Variants in CACNA1B observed in about 807,000 individuals in gnomAD.
CACNA1B encodes the protein voltage-dependent N-type calcium channel subunit alpha-1B.
Under a neutral mutation model 247.2 loss-of-function variants are expected in CACNA1B, and 70 were observed. The ratio of observed to expected loss-of-function variants is 0.28; its 90% CI spans 0.23 to 0.35. CACNA1B has a LOEUF of 0.35. Ranked by LOEUF, CACNA1B falls within the 10% of genes least tolerant of loss-of-function variation. The pLI is 1.00. For missense variants in CACNA1B, 2,367 were observed against 3,197.4 expected (o/e 0.74, Z 6.26); for synonymous variants, 1,231 against 1,294.4 (o/e 0.95, Z 1.05).
At position 137,937,015 on chromosome 9, in the gene CACNA1B, G is replaced by A. The variant is rs545707861; in HGVS notation, c.967-15259G>A. 4.5e-3 allele frequency among the ~76,000 whole-genome samples: 680 copies of A among 152,166 alleles called. 5 individuals are homozygous for A. Among genetic ancestry groups the A allele is most frequent in the African/African-American group, 0.015 (637 of 41,508 alleles). On this transcript the variant is annotated intron_variant, in intron 6 of 46. Coordinates refer to ENST00000371372, the MANE Select transcript of CACNA1B (RefSeq NM_000718.4). ...TAAAGTAGTTTTTTCCAATTCTGTG[G>A]AGAAAGTCATTGGTAGCTTGATGGG...
Position 138,051,268 on chromosome 9 carries a change from C to G in CACNA1B, c.3711-824C>G, listed in dbSNP as rs1336764098. ...CTGCGTCCCTGACAGGTAGAGGCAG[C>G]TGCCTGGGTCTGTCCTGGCTTTTTC... On this transcript the variant is annotated intron_variant, in intron 24 of 46. Transcript: ENST00000371372. This position sits in a 1 kb window ranked among gnomAD's most constrained non-coding sequence, Gnocchi z 4.3. 6.6e-6 allele frequency among the ~76,000 whole-genome samples: 1 copy of G among 152,070 alleles called. No homozygotes were observed. The highest frequency in any genetic ancestry group is 1.5e-5 in the Non-Finnish European group (1 of 68,012).
intron 31 of CACNA1B, among the ~76,000 whole-genome samples, chr9:138,067,138 A>G (rs1959949197): frequency 2.6e-5 from 4 of 152,228 alleles, no homozygotes; most frequent in Admixed American, 2.6e-4. Context: ...AAGTGAACAC[A>G]TTACTAGAAA....
intron 20 of CACNA1B, among the ~76,000 whole-genome samples, chr9:138,026,901 GT>G (rs1958928289): frequency 6.6e-6 from 1 of 152,234 alleles, no homozygotes; most frequent in Non-Finnish European, 1.5e-5. Context: ...ATGAATGAGA[GT>G]TCCTGTTGCT....
chr9:138,099,556 TGC>T (rs1460364352), intron 37 of CACNA1B, among the ~76,000 whole-genome samples: 3 of 148,676 alleles, frequency 2.0e-5, no homozygotes, highest in African/African-American at 7.5e-5. Flanking sequence ...TTTGTGTGTG[TGC>T]CACCGTGGTG....
At chr9:138,024,736 C>T (rs1958899453) in intron 19 of CACNA1B, among the ~76,000 whole-genome samples, 1 of 152,168 alleles carries the variant, frequency 6.6e-6, no homozygotes, top group South Asian at 2.1e-4. Flanking sequence ...TGAAGCGATC[C>T]TCCCACCTCA....
At chr9:138,024,325 C>T (rs1369784650) in intron 19 of CACNA1B, among the ~76,000 whole-genome samples, 4 of 152,150 alleles carry the variant, frequency 2.6e-5, no homozygotes, top group African/African-American at 9.7e-5. Context: ...CTCACCAACC[C>T]CGTGAGGGCC....
chr9:137,924,313 CTTCT>C (rs980743134), intron 6 of CACNA1B, among the ~76,000 whole-genome samples: 2 of 150,742 alleles, frequency 1.3e-5, no homozygotes, highest in South Asian at 2.1e-4. Flanking sequence ...TCCTTCCTTC[CTTCT>C]TTCCTTCCTC....
intron 6 of CACNA1B, among the ~76,000 whole-genome samples, chr9:137,928,770 T>C (rs1432543126): frequency 6.6e-6 from 1 of 152,236 alleles, no homozygotes; most frequent in African/African-American, 2.4e-5. Context: ...CCTGTATCCA[T>C]GAGCCATCAG....
At chr9:137,935,106 CT>C (rs1957650402) in intron 6 of CACNA1B, among the ~76,000 whole-genome samples, 1 of 151,960 alleles carries the variant, frequency 6.6e-6, no homozygotes, top group Non-Finnish European at 1.5e-5. Flanking sequence ...GATAAATTTT[CT>C]TTTTTTTCAT....
chr9:138,001,006 G>GT (rs978424425), intron 15 of CACNA1B, among the ~76,000 whole-genome samples: 31 of 151,632 alleles, frequency 2.0e-4, no homozygotes, highest in Admixed American at 3.3e-4. Flanking sequence ...TTATTTTGGT[G>GT]TTTTTTTATC....
At position 138,057,280 on chromosome 9, in the gene CACNA1B, C is replaced by T. The variant is rs187439152; in HGVS notation, c.3969-452C>T. Among the ~76,000 whole-genome samples, 7 of 152,288 alleles carry T rather than the reference C, an allele frequency of 4.6e-5. No individual in the cohort carries two copies. Among genetic ancestry groups the T allele is most frequent in the African/African-American group, 1.7e-4 (7 of 41,558 alleles). On this transcript the variant is annotated intron_variant, in intron 26 of 46. Transcript: ENST00000371372. The surrounding 1 kb of genome is among the most constrained non-coding windows in gnomAD (Gnocchi z 4.0). ...AGTTATTTACATATTCTAAATACAA[C>T]TCCCTTATCAGACAGAGGATTAGGA...
At chr9:138,118,601 T>G in intron 43 of CACNA1B, 51 bp from the exon 44 acceptor site, 7 of 896,566 alleles carry the variant, frequency 7.8e-6, no homozygotes, top group African/African-American at 1.7e-5. Flanking sequence ...TGGGATCAGA[T>G]GAGTCCGCGG....
Position 138,052,116 on chromosome 9 carries a change from T to C in CACNA1B, c.3735T>C (p.Asn1245=). ...AFSGSKGKDI[N]TIKSLRVLRV... is the part of the protein sequence containing the mutation. ...GAGGATCCAAAGGGAAAGACATCAATACCATCAAGTCTCTGAGAGTCCTTC... is the reference window on the plus strand; with the variant it reads ...GAGGATCCAAAGGGAAAGACATCAACACCATCAAGTCTCTGAGAGTCCTTC... The change falls in exon 25 of 47, where the codon AAT becomes AAC. Residue 1245 remains asparagine (N), a synonymous_variant. Coordinates refer to ENST00000371372, the MANE Select transcript of CACNA1B (RefSeq NM_000718.4). The surrounding 1 kb of genome is among the most constrained non-coding windows in gnomAD (Gnocchi z 5.1). 1 of 1,609,938 alleles carries C rather than the reference T, an allele frequency of 6.2e-7. No individual in the cohort carries two copies. Among genetic ancestry groups the C allele is most frequent in the Non-Finnish European group, 8.5e-7 (1 of 1,176,584 alleles).
intron 39 of CACNA1B, among the ~76,000 whole-genome samples, chr9:138,110,919 G>C (rs556569354): frequency 6.6e-6 from 1 of 151,616 alleles, no homozygotes; most frequent in Non-Finnish European, 1.5e-5. Flanking sequence ...ATATATGGAA[G>C]GCAAACAAAC....
intron 12 of CACNA1B, among the ~76,000 whole-genome samples, chr9:137,979,739 A>C (rs910963581): frequency 1.3e-5 from 2 of 152,198 alleles, no homozygotes; most frequent in African/African-American, 4.8e-5. Flanking sequence ...ATCCTCAGTT[A>C]GGTCCAGGTG....
At chr9:137,956,255 G>C (rs574812217) in intron 8 of CACNA1B, among the ~76,000 whole-genome samples, 2 of 152,336 alleles carry the variant, frequency 1.3e-5, no homozygotes, top group African/African-American at 4.8e-5. Flanking sequence ...GAAGCGACGT[G>C]TGGGTAGGGA....
chr9:138,121,436 A>G lies in CACNA1B; in HGVS notation c.6490-33A>G. The G allele has an allele frequency of 4.2e-6, 3 of 720,794 alleles. No individual in the cohort carries two copies. Among genetic ancestry groups the G allele is most frequent in the Non-Finnish European group, 5.5e-6 (3 of 545,266 alleles). 44.6% of individuals were successfully genotyped at this position (720,794 alleles called of 1,614,324 possible). On this transcript the variant is annotated intron_variant, in intron 46 of 46. Transcript: ENST00000371372. This position sits in a 1 kb window ranked among gnomAD's most constrained non-coding sequence, Gnocchi z 6.8. ...GTTCGGCTTTTTTTTTTTTTTTTTT[A>G]CCTCTGATTTGTTCTGGTCCATTTT...
chr9:137,892,344 G>T (rs750939847), intron 3 of CACNA1B: 1 of 456,774 alleles, frequency 2.2e-6, no homozygotes, highest in South Asian at 1.5e-5. Context: ...GTGGTGGGCG[G>T]TGCTGATCCG....
At chr9:137,923,307 G>C (rs1957510525) in intron 6 of CACNA1B, among the ~76,000 whole-genome samples, 1 of 150,742 alleles carries the variant, frequency 6.6e-6, no homozygotes, top group African/African-American at 2.5e-5. Context: ...ATGGTGCCAG[G>C]TAGTATTCCG....
Sources: allele counts gnomAD v4.1 joint callset (sites outside exome capture counted in the v4.1 genomes callset), GRCh38; gene constraint gnomAD v4.1.1; non-coding constraint Gnocchi (gnomAD v3.1); transcripts MANE v1.5; gene names NCBI Gene and HGNC (gene_info 2026-07-23, HGNC 2026-07-21).